The following PAX8 variants were observed in gnomAD, a reference collection of about 807,000 sequenced individuals.
The protein encoded by PAX8 is paired box 8.
Under a neutral mutation model 52.4 loss-of-function variants are expected in PAX8, and 15 were observed. The observed-to-expected ratio is 0.29, with a 90% CI of 0.19 to 0.44. PAX8 has a LOEUF of 0.44. Among genes scored for constraint, PAX8 ranks in the 20% least tolerant of loss-of-function variants. The probability of loss-of-function intolerance (pLI) is 1.00; values close to 1 mark genes in which losing one functional copy is unlikely to be tolerated. For missense variants in PAX8, 554 were observed against 602.5 expected (o/e 0.92, Z 0.84); for synonymous variants, 284 against 249.7 (o/e 1.14, Z -1.29).
In PAX8 at chr2:113,241,701, G is replaced by A; in HGVS notation, c.627C>T (p.Ser209=). The A allele has an allele frequency of 6.2e-7, 1 of 1,614,128 alleles. No homozygotes were observed. The highest frequency in any genetic ancestry group is 8.5e-7 in the Non-Finnish European group (1 of 1,180,024). ...CGCTGCTGCTGCTCTGTGAGTCAATGCTTAGTCGGCAGCTATCCTGATCAC... is the reference window on the plus strand; with the variant it reads ...CGCTGCTGCTGCTCTGTGAGTCAATACTTAGTCGGCAGCTATCCTGATCAC... ...DDSDQDSCRL[S]IDSQSSSSGP... Residue 209 remains serine (S), a synonymous_variant, in exon 7 of 12, where the codon AGC becomes AGT. Coordinates refer to ENST00000429538, the MANE Select transcript of PAX8 (RefSeq NM_003466.4).
intron 9 of PAX8, among the ~76,000 whole-genome samples, chr2:113,228,062 A>G (rs1475117112): frequency 5.9e-5 from 9 of 152,128 alleles, no homozygotes; most frequent in Admixed American, 5.2e-4. Context: ...TCAGCTCTGT[A>G]AAGACCTCAT....
chr2:113,266,993 A>G (rs1254997592), intron 2 of PAX8: 1 of 152,246 alleles, frequency 6.6e-6, no homozygotes, highest in Admixed American at 6.5e-5. Context: ...AATACAGTCT[A>G]TGTGGGTGGA....
intron 3 of PAX8, among the ~76,000 whole-genome samples, chr2:113,246,070 C>T (rs1394960995): frequency 6.6e-6 from 1 of 152,248 alleles, no homozygotes; most frequent in African/African-American, 2.4e-5. Flanking sequence ...GCCTTTGCTG[C>T]TCCTGGTCTC....
chr2:113,232,327 C>A (rs1689947771), intron 9 of PAX8, among the ~76,000 whole-genome samples: 1 of 152,236 alleles, frequency 6.6e-6, no homozygotes, highest in Non-Finnish European at 1.5e-5. Flanking sequence ...GCCTGGACCC[C>A]AGATCCTCCA....
chr2:113,257,061 A>G (rs955258765), intron 2 of PAX8, among the ~76,000 whole-genome samples: 3 of 152,118 alleles, frequency 2.0e-5, no homozygotes, highest in African/African-American at 7.2e-5. Context: ...TTATGGTTTT[A>G]TGGGAAGATT....
chr2:113,227,040 A>G (rs1386212160), intron 10 of PAX8, 115 bp downstream of exon 10: 9 of 1,534,516 alleles, frequency 5.9e-6, no homozygotes, highest in Admixed American at 3.9e-5. Context: ...CCATCCTTCA[A>G]TGCCCTTTGG....
At chr2:113,275,068 A>G (rs1345096650) in intron 2 of PAX8, 1 of 152,192 alleles carries the variant, frequency 6.6e-6, no homozygotes, top group Non-Finnish European at 1.5e-5. Context: ...GTCTTCTTCA[A>G]CAAAATTAGG....
At chr2:113,264,961 C>T (rs1185639145) in intron 2 of PAX8, among the ~76,000 whole-genome samples, 1 of 152,100 alleles carries the variant, frequency 6.6e-6, no homozygotes, top group African/African-American at 2.4e-5. Flanking sequence ...AAATAGGCCA[C>T]GGAGGTAGGA....
Position 113,227,166 on chromosome 2 carries a change from C to T in PAX8, c.1178G>A (p.Gly393Asp), listed in dbSNP as rs1276649237. The T allele has an allele frequency of 6.3e-7, 1 of 1,599,590 alleles. No individual in the cohort carries two copies. The highest frequency in any genetic ancestry group is 8.5e-7 in the Non-Finnish European group (1 of 1,174,078). ...GGCCCTCTCCTTACCTGCCACCATG[C>T]CTGCGATGGCAGAGGAGGCATAGCT... The part of the protein sequence containing the change: ...QGSYASSAIA[G>D]MVAGSEYSGN... The change falls in exon 10 of 12, where the codon GGC becomes GAC. Residue 393 changes from glycine to aspartate, a missense_variant. Physicochemically the swap from Gly to Asp is moderately conservative, Grantham distance 94 (BLOSUM62 -1). Around this residue, in one of 2 missense-constraint regions of PAX8, gnomAD observed 445 missense variants for 409.9 expected, o/e 1.09. Transcript: ENST00000429538.
Position 113,244,616 on chromosome 2 carries a change from T to G in PAX8, c.200A>C (p.Glu67Ala). ...CACTCCAGGCCGGATGCTGCCAGTC[T>G]CGTAGTACCTACTCCAATAGAGAAT... ...CVSKILGRYY[E>A]TGSIRPGVIG... Residue 67 changes from glutamate to alanine, a missense_variant, in exon 4 of 12, where the codon GAG becomes GCG. Coordinates refer to ENST00000429538, the MANE Select transcript of PAX8 (RefSeq NM_003466.4). 1 of 1,614,078 alleles carries G rather than the reference T, an allele frequency of 6.2e-7. No homozygotes were observed. Among genetic ancestry groups the G allele is most frequent in the Non-Finnish European group, 8.5e-7 (1 of 1,179,912 alleles).
At chr2:113,246,995 G>C (rs1691378934) in intron 2 of PAX8, 76 bp from the exon 3 acceptor site, 3 of 1,333,726 alleles carry the variant, frequency 2.2e-6, no homozygotes, top group Admixed American at 2.0e-5. Flanking sequence ...ATGAGTACAG[G>C]TGCTGGTGTG....
chr2:113,223,275 T>G (rs1689366490), intron 10 of PAX8, among the ~76,000 whole-genome samples: 1 of 152,124 alleles, frequency 6.6e-6, no homozygotes, highest in Admixed American at 6.5e-5. Context: ...TGATTCTTGT[T>G]TCCTCTATTT....
At chr2:113,229,051 C>G (rs1689743111) in intron 9 of PAX8, among the ~76,000 whole-genome samples, 1 of 152,178 alleles carries the variant, frequency 6.6e-6, no homozygotes, top group Admixed American at 6.5e-5. Context: ...ATTAGCAAGG[C>G]CGGGCACTAA....
In PAX8 at chr2:113,278,097, A is replaced by AC. The variant is rs768933051; in HGVS notation, c.25+272dup. Reference sequence around the variant, plus strand: ...AGGCTGGGAATGGAGCTCAAAGGAAACCCCCTCTAACTCCACAGAGATCCC... The same window carrying AC: ...AGGCTGGGAATGGAGCTCAAAGGAAACCCCCCTCTAACTCCACAGAGATCCC... On this transcript the variant is annotated intron_variant, in intron 2 of 11. Coordinates refer to ENST00000429538, the MANE Select transcript of PAX8 (RefSeq NM_003466.4). 1.2e-3 allele frequency among the ~76,000 whole-genome samples: 180 copies of AC among 151,812 alleles called. 2 individuals are homozygous for AC. Among genetic ancestry groups the AC allele is most frequent in the Non-Finnish European group, 4.3e-4 (29 of 67,916 alleles).
intron 8 of PAX8, chr2:113,235,932 C>T (rs1323408118): frequency 3.3e-6 from 1 of 300,974 alleles, no homozygotes; most frequent in Non-Finnish European, 6.2e-6. Flanking sequence ...AGGCGCGACC[C>T]CTGGGCCCAC....
At position 113,217,193 on chromosome 2, in the gene PAX8, C is replaced by T. The variant is rs879183689; in HGVS notation, c.*1340G>A. 12 of 228,622 alleles carry T rather than the reference C, an allele frequency of 5.2e-5. No individual in the cohort carries two copies. The South Asian group carries it at 5.5e-4, about 10-fold the overall frequency. The allele number at this position is 228,622 out of a possible 1,614,324, so 14.2% of individuals were successfully genotyped here. ...GATGAGTGAGGTACCCAGCGTTCAA[C>T]GTGAATTAAAGGCAGAGGGAGAAGG... On this transcript the variant is annotated 3_prime_UTR_variant, in exon 12 of 12. Coordinates refer to ENST00000429538, the MANE Select transcript of PAX8 (RefSeq NM_003466.4).
At chr2:113,242,885 G>A (rs1337516782) in intron 4 of PAX8, 107 bp from the exon 5 acceptor site, 3 of 788,336 alleles carry the variant, frequency 3.8e-6, no homozygotes, top group African/African-American at 1.7e-5. Flanking sequence ...TATCTCCAAG[G>A]CACTTGAAAC....
intron 10 of PAX8, 25 bp from the exon 11 acceptor site, chr2:113,220,203 G>T: frequency 7.1e-6 from 11 of 1,557,768 alleles, no homozygotes; most frequent in Non-Finnish European, 9.7e-6. Context: ...CAGGGGAGAG[G>T]CCTGTGAGGT....
At chr2:113,224,284 C>T (rs1281065727) in intron 10 of PAX8, among the ~76,000 whole-genome samples, 1 of 152,088 alleles carries the variant, frequency 6.6e-6, no homozygotes, top group Non-Finnish European at 1.5e-5. Context: ...CAGTGACTCA[C>T]ACCTGTAATC....
Sources: allele counts gnomAD v4.1 joint callset (sites outside exome capture counted in the v4.1 genomes callset), GRCh38; gene constraint gnomAD v4.1.1; regional missense constraint gnomAD v4.1.1; transcripts MANE v1.5; gene names NCBI Gene and HGNC (gene_info 2026-07-23, HGNC 2026-07-21).